Variants in ZBBX observed in about 807,000 individuals in gnomAD.
The protein encoded by ZBBX is zinc finger B-box domain containing, also known as zinc finger B-box domain-containing protein 1.
A neutral mutation model predicts 108.5 loss-of-function variants in ZBBX; 101 were observed. The observed-to-expected ratio is 0.93, with a 90% CI of 0.79 to 1.10. ZBBX has a LOEUF of 1.10. ZBBX is among the 50% of genes least tolerant of loss of function. The pLI is 0.00. For synonymous variants in ZBBX, 356 were observed against 323.4 expected, an observed-to-expected ratio of 1.10 and a Z score of -1.08; for missense variants, 1,009 against 941.4, an observed-to-expected ratio of 1.07 and a Z score of -0.94.
the ZBBX span, among the ~76,000 whole-genome samples, chr3:167,195,842 C>T: frequency 1.3e-5 from 2 of 152,202 alleles, no homozygotes; most frequent in African/African-American, 4.8e-5. Flanking sequence ...AGAGTTTACA[C>T]CGTCTGGCAT....
the ZBBX span, among the ~76,000 whole-genome samples, chr3:167,214,730 G>A: frequency 2.0e-3 from 310 of 151,992 alleles, no homozygotes; most frequent in Middle Eastern, 6.8e-3. Flanking sequence ...AATCAAACAC[G>A]TACTTGGACA....
chr3:167,213,332 T>C, the ZBBX span, among the ~76,000 whole-genome samples: 5 of 152,108 alleles, frequency 3.3e-5, no homozygotes, highest in Admixed American at 3.3e-4. Flanking sequence ...GGAAATAGCC[T>C]GTAGAAAAAG....
chr3:167,255,004 C>G (rs1045607571), intron 20 of ZBBX, among the ~76,000 whole-genome samples: 16 of 151,780 alleles, frequency 1.1e-4, no homozygotes, highest in African/African-American at 3.6e-4. Context: ...TCATTATATA[C>G]AAGGTTTAAG....
At chr3:167,313,432 T>G (rs1038196339) in intron 16 of ZBBX, among the ~76,000 whole-genome samples, 5 of 152,032 alleles carry the variant, frequency 3.3e-5, no homozygotes, top group Admixed American at 6.6e-5. Flanking sequence ...CCTGCCACCA[T>G]GCCAGGCTAA....
chr3:167,241,689 A>G (rs1720709696), intron 21 of ZBBX, among the ~76,000 whole-genome samples: 1 of 152,146 alleles, frequency 6.6e-6, no homozygotes, highest in Admixed American at 6.5e-5. Context: ...AGACCTACCT[A>G]GGCAACATGT....
intron 20 of ZBBX, among the ~76,000 whole-genome samples, chr3:167,259,674 C>T (rs1054741467): frequency 2.0e-5 from 3 of 152,096 alleles, no homozygotes; most frequent in Admixed American, 2.0e-4. Flanking sequence ...TACGTTGTGT[C>T]ATTATTGTCA....
At chr3:167,360,592 TA>T in intron 7 of ZBBX, 82 bp downstream of exon 7, 2 of 844,872 alleles carry the variant, frequency 2.4e-6, no homozygotes, top group Non-Finnish European at 3.3e-6. Context: ...CGGACAATTC[TA>T]AAACTTTAAC....
chr3:167,296,252 C>T (rs772316008), intron 18 of ZBBX, among the ~76,000 whole-genome samples: 3 of 152,014 alleles, frequency 2.0e-5, no homozygotes, highest in Non-Finnish European at 4.4e-5. Flanking sequence ...GGAAATGCCT[C>T]TACACAATAA....
chr3:167,360,764 A>G (rs1744375076), intron 6 of ZBBX, 41 bp from the exon 7 acceptor site: 2 of 1,265,840 alleles, frequency 1.6e-6, no homozygotes, highest in Non-Finnish European at 2.1e-6. Flanking sequence ...GGTATATATT[A>G]TCTTATTCAA....
chr3:167,347,440 T>C (rs1331981387), intron 9 of ZBBX, among the ~76,000 whole-genome samples: 3 of 151,932 alleles, frequency 2.0e-5, no homozygotes, highest in Non-Finnish European at 4.4e-5. Context: ...ACAGCATAGA[T>C]AAACCTGGAG....
the ZBBX span, among the ~76,000 whole-genome samples, chr3:167,191,982 AAAAC>A: frequency 1.4e-5 from 2 of 140,020 alleles, no homozygotes; most frequent in Non-Finnish European, 3.0e-5. Flanking sequence ...GATAACAAAA[AAAAC>A]CTCTTCATTT....
At chr3:167,207,188 C>T in the ZBBX span, among the ~76,000 whole-genome samples, 1 of 152,102 alleles carries the variant, frequency 6.6e-6, no homozygotes, top group South Asian at 2.1e-4. Context: ...AAAAGGCAGC[C>T]TATTTGTGAA....
At chr3:167,310,626 A>G (rs1300469554) in intron 16 of ZBBX, among the ~76,000 whole-genome samples, 4 of 152,036 alleles carry the variant, frequency 2.6e-5, no homozygotes, top group Non-Finnish European at 4.4e-5. Flanking sequence ...AAATCATCAG[A>G]GCTCACGAGG....
chr3:167,187,473 G>A, the ZBBX span, among the ~76,000 whole-genome samples: 20 of 152,316 alleles, frequency 1.3e-4, no homozygotes, highest in Admixed American at 1.3e-4. Flanking sequence ...ATCCTGGCAA[G>A]TAGAGAAGTG....
upstream of ZBBX, among the ~76,000 whole-genome samples, chr3:167,385,057 A>G (rs73879692): frequency 0.03 from 4,573 of 152,136 alleles, 219 homozygotes; most frequent in African/African-American, 0.1. Flanking sequence ...AAATAACATT[A>G]TTTTCACTAT....
intron 9 of ZBBX, among the ~76,000 whole-genome samples, chr3:167,340,008 T>C (rs1216669682): frequency 6.6e-6 from 1 of 152,116 alleles, no homozygotes; most frequent in East Asian, 1.9e-4. Flanking sequence ...GCAACACATG[T>C]ATACTGAAGA....
chr3:167,210,860 C>CA, the ZBBX span, among the ~76,000 whole-genome samples: 1 of 152,048 alleles, frequency 6.6e-6, no homozygotes, highest in African/African-American at 2.4e-5. Flanking sequence ...CTTTCCCACT[C>CA]AAACAAAAGC....
upstream of ZBBX, among the ~76,000 whole-genome samples, chr3:167,385,182 T>G (rs1343386065): frequency 2.6e-5 from 4 of 152,048 alleles, no homozygotes; most frequent in South Asian, 8.3e-4. Context: ...GACACAAACC[T>G]AGATGTTATA....
chr3:167,252,166 A>G (rs1722736543), intron 20 of ZBBX: 2 of 1,289,684 alleles, frequency 1.6e-6, no homozygotes, highest in Non-Finnish European at 2.0e-6. Flanking sequence ...CAGCTCCTTA[A>G]CATGGTTGTT....
Sources: allele counts gnomAD v4.1 joint callset (sites outside exome capture counted in the v4.1 genomes callset), GRCh38; gene constraint gnomAD v4.1.1; transcripts MANE v1.5; gene names NCBI Gene and HGNC (gene_info 2026-07-23, HGNC 2026-07-21).